RGS7BP: variants seen among roughly 807,000 people sequenced by gnomAD.
The protein encoded by RGS7BP is regulator of G protein signaling 7 binding protein, also known as regulator of G protein signaling 7-binding protein.
A neutral mutation model predicts 31.3 loss-of-function variants in RGS7BP; 9 were observed. The observed-to-expected ratio is 0.29, with a 90% CI of 0.17 to 0.50. The LOEUF (loss-of-function observed/expected upper bound fraction) is 0.50. RGS7BP is among the 20% of genes least tolerant of loss of function. The probability of loss-of-function intolerance (pLI) is 0.98; values close to 1 mark genes in which losing one functional copy is unlikely to be tolerated. For missense variants in RGS7BP, 274 were observed against 322.0 expected (o/e 0.85, Z 1.14); for synonymous variants, 115 against 120.1 (o/e 0.96, Z 0.28).
intron 2 of RGS7BP, among the ~76,000 whole-genome samples, chr5:64,544,944 A>G (rs1393215272): frequency 2.0e-5 from 3 of 152,300 alleles, no homozygotes; most frequent in East Asian, 1.9e-4. Flanking sequence ...TGGGAGACCA[A>G]GGCAGGTAAA....
At chr5:64,562,565 A>G (rs1742079509) in intron 2 of RGS7BP, among the ~76,000 whole-genome samples, 1 of 152,092 alleles carries the variant, frequency 6.6e-6, no homozygotes, top group Non-Finnish European at 1.5e-5. Flanking sequence ...GGTGGCCTTC[A>G]TGTCAATATT....
intron 3 of RGS7BP, among the ~76,000 whole-genome samples, chr5:64,593,255 C>T (rs1187173351): frequency 6.6e-6 from 1 of 152,152 alleles, no homozygotes; most frequent in Non-Finnish European, 1.5e-5. Flanking sequence ...TGCTCTTTCT[C>T]CTTCTGTTGT....
intron 3 of RGS7BP, among the ~76,000 whole-genome samples, chr5:64,594,508 T>A (rs9283704): frequency 6.6e-6 from 1 of 152,122 alleles, no homozygotes; most frequent in African/African-American, 2.4e-5. Context: ...TTTCCCGGAA[T>A]GTTGTGAAAA....
chr5:64,574,075 C>T (rs1219072053), intron 2 of RGS7BP, among the ~76,000 whole-genome samples: 1 of 152,060 alleles, frequency 6.6e-6, no homozygotes, highest in Admixed American at 6.6e-5. Flanking sequence ...TTCCCTTTAC[C>T]CTCCTTTTAG....
intron 5 of RGS7BP, among the ~76,000 whole-genome samples, chr5:64,603,837 T>C (rs1308884112): frequency 4.6e-5 from 7 of 152,014 alleles, no homozygotes; most frequent in African/African-American, 1.7e-4. Flanking sequence ...GAAGATGGGA[T>C]TGGATGCAGA....
At chr5:64,592,485 G>A (rs180780240) in intron 3 of RGS7BP, among the ~76,000 whole-genome samples, 1 of 152,206 alleles carries the variant, frequency 6.6e-6, no homozygotes, top group African/African-American at 2.4e-5. Context: ...ATAATCACAG[G>A]TATTAAGTAT....
At chr5:64,563,210 T>A (rs1182981153) in intron 2 of RGS7BP, among the ~76,000 whole-genome samples, 3 of 152,078 alleles carry the variant, frequency 2.0e-5, no homozygotes, top group Non-Finnish European at 4.4e-5. Context: ...AGATCTCTCA[T>A]TTATGAATTA....
At chr5:64,595,785 T>C (rs1344528442) in intron 4 of RGS7BP, among the ~76,000 whole-genome samples, 1 of 152,178 alleles carries the variant, frequency 6.6e-6, no homozygotes, top group Non-Finnish European at 1.5e-5. Flanking sequence ...TTTTTAGAAA[T>C]GTAACACACA....
intron 2 of RGS7BP, among the ~76,000 whole-genome samples, chr5:64,570,986 AAG>A (rs1742289201): frequency 6.6e-6 from 1 of 152,122 alleles, no homozygotes; most frequent in African/African-American, 2.4e-5. Flanking sequence ...TGCAAATCTT[AAG>A]TGTACCATTC....
rs138683502 is a variant in RGS7BP at position 64,553,093 on chromosome 5, T to G, written c.333-22681T>G. 6.2e-3 allele frequency among the ~76,000 whole-genome samples: 945 copies of G among 152,242 alleles called. 9 individuals carry two copies. Among genetic ancestry groups the G allele is most frequent in the African/African-American group, 0.019 (796 of 41,554 alleles). On this transcript the variant is annotated intron_variant, in intron 2 of 5. Coordinates refer to ENST00000334025, the MANE Select transcript of RGS7BP (RefSeq NM_001029875.3). ...TTCTTGTTTTTTAGCCTGCCTTTTA[T>G]TTTTGGAGCTTTATAGTTAATCTTT... is the stretch of plus-strand genomic sequence containing the variant.
chr5:64,602,147 G>A (rs1354874715), intron 5 of RGS7BP, among the ~76,000 whole-genome samples: 2 of 152,136 alleles, frequency 1.3e-5, no homozygotes, highest in African/African-American at 2.4e-5. Context: ...ATCCAGAACC[G>A]AACCTGGCTG....
intron 2 of RGS7BP, chr5:64,539,440 C>G (rs999986531): frequency 2.0e-5 from 3 of 152,146 alleles, no homozygotes; most frequent in African/African-American, 7.2e-5. Context: ...TTTAAGACCT[C>G]TTTGTCTAAT....
intron 2 of RGS7BP, among the ~76,000 whole-genome samples, chr5:64,520,172 C>T (rs1561320687): frequency 6.6e-6 from 1 of 152,182 alleles, no homozygotes; most frequent in Non-Finnish European, 1.5e-5. Flanking sequence ...AGTTTGAACA[C>T]TGGTCTCTCT....
In RGS7BP at chr5:64,603,937, G is replaced by GA. The variant is rs1281882123; in HGVS notation, c.683-5216dup. Among the ~76,000 whole-genome samples, 16 of 151,938 alleles carry GA rather than the reference G, an allele frequency of 1.1e-4. No homozygotes were observed. In the East Asian group the frequency reaches 1.3e-3, roughly 13 times the overall value. Reference sequence around the variant, plus strand: ...ATGGAGCAGTCAGAAAAGACTGCAGGAAAAAAAATGTTTAAGCTAATCTTT... The same window carrying GA: ...ATGGAGCAGTCAGAAAAGACTGCAGGAAAAAAAAATGTTTAAGCTAATCTTT... On this transcript the variant is annotated intron_variant, in intron 5 of 5. Transcript: ENST00000334025.
At chr5:64,515,528 A>C (rs1232156941) in intron 2 of RGS7BP, among the ~76,000 whole-genome samples, 1 of 152,166 alleles carries the variant, frequency 6.6e-6, no homozygotes, top group Non-Finnish European at 1.5e-5. Context: ...TCACCTTTTC[A>C]AACTGTTCTT....
intron 2 of RGS7BP, among the ~76,000 whole-genome samples, chr5:64,535,014 A>C (rs970534075): frequency 2.6e-5 from 4 of 152,174 alleles, no homozygotes; most frequent in African/African-American, 9.7e-5. Context: ...ACTGTCTCAG[A>C]TGGAAGGTGA....
intron 2 of RGS7BP, among the ~76,000 whole-genome samples, chr5:64,572,822 TTTA>T (rs1413779719): frequency 6.6e-6 from 1 of 151,806 alleles, no homozygotes; most frequent in African/African-American, 2.4e-5. Flanking sequence ...TTTTTTTAAT[TTTA>T]TTATTATTAT....
At chr5:64,559,084 C>T (rs531912223) in intron 2 of RGS7BP, among the ~76,000 whole-genome samples, 1 of 152,102 alleles carries the variant, frequency 6.6e-6, no homozygotes, top group Non-Finnish European at 1.5e-5. Flanking sequence ...CCTTTTGTTG[C>T]TCTTGAAGCA....
chr5:64,597,806 G>T (rs1248511772), intron 4 of RGS7BP, among the ~76,000 whole-genome samples: 1 of 151,988 alleles, frequency 6.6e-6, no homozygotes, highest in African/African-American at 2.4e-5. Flanking sequence ...ACATTATTGG[G>T]GTGATGGATG....
Sources: gnomAD v4.1 joint callset for allele counts (sites outside exome capture counted in the v4.1 genomes callset) on GRCh38, gnomAD v4.1.1 for gene constraint, MANE v1.5 for transcripts, NCBI Gene and HGNC (gene_info 2026-07-23, HGNC 2026-07-21) for gene names.